SLC16A1: variants seen among roughly 807,000 people sequenced by gnomAD.
SLC16A1 encodes solute carrier family 16 member 1.
A neutral mutation model predicts 32.2 loss-of-function variants in SLC16A1; 11 were observed. The observed-to-expected ratio is 0.34, with a 90% CI of 0.21 to 0.56. The LOEUF (loss-of-function observed/expected upper bound fraction) is 0.56. Among genes scored for constraint, SLC16A1 ranks in the 20% least tolerant of loss-of-function variants. The pLI is 0.87. For synonymous variants in SLC16A1, 231 were observed against 226.8 expected (o/e 1.02, Z -0.17); for missense variants, 435 against 615.0 (o/e 0.71, Z 3.10).
At chr1:112,955,270 AC>A (rs752660411) in intron 1 of SLC16A1, 4 of 151,878 alleles carry the variant, frequency 2.6e-5, no homozygotes, top group Non-Finnish European at 5.9e-5. Context: ...AAAAAAAAAG[AC>A]GTACTTGGAA....
intron 2 of SLC16A1, chr1:112,924,425 A>C (rs1409781577): frequency 6.2e-6 from 6 of 972,918 alleles, no homozygotes; most frequent in Non-Finnish European, 9.8e-6. Flanking sequence ...GAAGTGCCTC[A>C]GTAAATTCTT....
chr1:112,946,348 G>A (rs1649704111), intron 1 of SLC16A1, among the ~76,000 whole-genome samples: 1 of 151,912 alleles, frequency 6.6e-6, no homozygotes, highest in Admixed American at 6.6e-5. Flanking sequence ...AAGGCAGGCG[G>A]ATCCACTTGA....
At chr1:112,922,634 C>A (rs1044078734) in intron 2 of SLC16A1, among the ~76,000 whole-genome samples, 1 of 151,924 alleles carries the variant, frequency 6.6e-6, no homozygotes, top group African/African-American at 2.4e-5. Flanking sequence ...ATTAGCCAGG[C>A]GTGGTTGGCG....
chr1:112,923,342 C>T (rs752549406), intron 2 of SLC16A1: 12 of 499,214 alleles, frequency 2.4e-5, no homozygotes, highest in South Asian at 1.2e-4. Flanking sequence ...TAAAGCCACG[C>T]GGCCGCCAAC....
At chr1:112,916,676 A>G (rs553747480) in intron 4 of SLC16A1, among the ~76,000 whole-genome samples, 2 of 151,462 alleles carry the variant, frequency 1.3e-5, no homozygotes, top group South Asian at 4.2e-4. Flanking sequence ...CACACCTGTT[A>G]CCCAGCACTT....
chr1:112,927,385 T>C (rs1458857892), intron 2 of SLC16A1, among the ~76,000 whole-genome samples: 1 of 152,088 alleles, frequency 6.6e-6, no homozygotes, highest in Non-Finnish European at 1.5e-5. Flanking sequence ...ACTGTATATC[T>C]CTGACCCAAA....
At chr1:112,915,945 C>T (rs1648488996) in intron 4 of SLC16A1, among the ~76,000 whole-genome samples, 1 of 152,130 alleles carries the variant, frequency 6.6e-6, no homozygotes, top group South Asian at 2.1e-4. Flanking sequence ...ATTCAATAAC[C>T]TTCAGGAATA....
At chr1:112,932,194 G>A (rs911998341) in intron 1 of SLC16A1, among the ~76,000 whole-genome samples, 5 of 152,138 alleles carry the variant, frequency 3.3e-5, no homozygotes, top group African/African-American at 9.7e-5. Context: ...TCTAGCCAGT[G>A]CATGCAGGCA....
rs776682946 is a variant in SLC16A1 at position 112,912,992 on chromosome 1, T to C, written c.*899A>G. 2.6e-5 allele frequency: 4 copies of C among 152,192 alleles called. No homozygotes were observed. Among genetic ancestry groups the C allele is most frequent in the Non-Finnish European group, 5.9e-5 (4 of 68,034 alleles). The allele number at this position is 152,192 out of a possible 1,614,324, so 9.4% of individuals were successfully genotyped here. On this transcript the variant is annotated 3_prime_UTR_variant, in exon 5 of 5. Transcript: ENST00000369626. ...AAACTTAAGTGAATTCAGCTGATGTTTGAAATATCTGTCTACATTTAATTA... is the reference window on the plus strand; with the variant it reads ...AAACTTAAGTGAATTCAGCTGATGTCTGAAATATCTGTCTACATTTAATTA...
At position 112,914,306 on chromosome 1, in the gene SLC16A1, T is replaced by C. The variant is rs924135671; in HGVS notation, c.1229-141A>G. 6 of 842,104 alleles carry C rather than the reference T, an allele frequency of 7.1e-6. No individual in the cohort carries two copies. In the African/African-American group the frequency reaches 8.6e-5, roughly 12 times the overall value. 52.2% of individuals were successfully genotyped at this position (842,104 alleles called of 1,614,324 possible). A position where few individuals can be genotyped will look rare whatever the true frequency, so the allele number is the denominator to read the frequency against. On this transcript the variant is annotated intron_variant, in intron 4 of 4. Coordinates refer to ENST00000369626, the MANE Select transcript of SLC16A1 (RefSeq NM_003051.4). ...CAAAATGATGAATTAGTATAAGGAA[T>C]TGCTGAAAATTAGCTGATCCTCTGT...
At position 112,917,904 on chromosome 1, in the gene SLC16A1, A is replaced by G. The variant is rs1331578275; in HGVS notation, c.502T>C (p.Phe168Leu). Residue 168 changes from phenylalanine to leucine, a missense_variant, in exon 4 of 5, where the codon TTC becomes CTC. By Grantham distance (22) the Phe-to-Leu change is conservative. Coordinates refer to ENST00000369626, the MANE Select transcript of SLC16A1 (RefSeq NM_003051.4). This position sits in a 1 kb window ranked among gnomAD's most constrained non-coding sequence, Gnocchi z 4.1. ...LCTLAPLNQV[F>L]FGIFGWRGSF... is the part of the protein sequence containing the mutation. ...CCTCTCCATCCAAAGATACCGAAGA[A>G]AACCTGATTGAGGGGGGCCAGAGTA... 6.2e-7 allele frequency: 1 copy of G among 1,607,496 alleles called. No individual in the cohort carries two copies.
intron 2 of SLC16A1, among the ~76,000 whole-genome samples, chr1:112,924,987 A>G (rs532852655): frequency 2.0e-4 from 30 of 152,356 alleles, no homozygotes; most frequent in African/African-American, 6.5e-4. Context: ...TGCTTGCAGG[A>G]TAAGATTAAA....
chr1:112,952,259 A>C (rs1463894963), intron 1 of SLC16A1, among the ~76,000 whole-genome samples: 1 of 152,236 alleles, frequency 6.6e-6, no homozygotes, highest in Non-Finnish European at 1.5e-5. Context: ...TTCCTTCAAC[A>C]AATATTAGGT....
intron 2 of SLC16A1, among the ~76,000 whole-genome samples, chr1:112,925,001 G>T (rs987024671): frequency 1.3e-5 from 2 of 152,112 alleles, no homozygotes; most frequent in African/African-American, 4.8e-5. Context: ...GATTAAATCA[G>T]ATAACAGTCA....
At chr1:112,921,513 T>C (rs1027986990) in intron 3 of SLC16A1, among the ~76,000 whole-genome samples, 1 of 152,214 alleles carries the variant, frequency 6.6e-6, no homozygotes, top group Non-Finnish European at 1.5e-5. Flanking sequence ...CATGGAAGGA[T>C]ATACATAGAA....
At chr1:112,925,904 A>G (rs1308351496) in intron 2 of SLC16A1, among the ~76,000 whole-genome samples, 1 of 152,006 alleles carries the variant, frequency 6.6e-6, no homozygotes, top group East Asian at 1.9e-4. Flanking sequence ...TTTACTATTC[A>G]GAGTTGCGGT....
intron 1 of SLC16A1, among the ~76,000 whole-genome samples, chr1:112,933,209 C>T (rs1402233493): frequency 6.6e-6 from 1 of 152,098 alleles, no homozygotes; most frequent in Non-Finnish European, 1.5e-5. Context: ...GTGGCTCACG[C>T]CTGTAATCCC....
At chr1:112,927,127 A>C (rs550193721) in intron 2 of SLC16A1, among the ~76,000 whole-genome samples, 7 of 151,274 alleles carry the variant, frequency 4.6e-5, no homozygotes, top group Admixed American at 3.9e-4. Flanking sequence ...GTCAAAAAAA[A>C]AAAAAAAAAA....
chr1:112,915,297 T>G (rs1648462153), intron 4 of SLC16A1, among the ~76,000 whole-genome samples: 1 of 152,078 alleles, frequency 6.6e-6, no homozygotes, highest in Non-Finnish European at 1.5e-5. Context: ...ATTTGCAGGA[T>G]AGGAATTATC....
Sources: gnomAD v4.1 joint callset for allele counts (sites outside exome capture counted in the v4.1 genomes callset) on GRCh38, gnomAD v4.1.1 for gene constraint, Gnocchi (gnomAD v3.1) non-coding constraint, MANE v1.5 for transcripts, NCBI Gene and HGNC (gene_info 2026-07-23, HGNC 2026-07-21) for gene names.